Variants in CASP4 observed in about 807,000 individuals in gnomAD.
CASP4 encodes the protein caspase-4.
In CASP4, 29 loss-of-function variants were observed where a neutral mutation model predicts 41.3. That is an observed-to-expected ratio of 0.70 (90% CI 0.52 to 0.96). CASP4 has a LOEUF of 0.96. CASP4 is among the 40% of genes least tolerant of loss of function. The probability of loss-of-function intolerance (pLI) is 0.00; values close to 1 mark genes in which losing one functional copy is unlikely to be tolerated. For missense variants in CASP4, 447 were observed against 460.6 expected (o/e 0.97, Z 0.27); for synonymous variants, 185 against 158.4 (o/e 1.17, Z -1.26).
rs557986518 is a variant in CASP4 at position 104,959,941 on chromosome 11, A to G, written c.8-4940T>C. 2.6e-5 allele frequency among the ~76,000 whole-genome samples: 4 copies of G among 151,966 alleles called. No homozygotes were observed. The East Asian group carries it at 7.8e-4, about 29-fold the overall frequency. ...AAATTCATAAGAACTTTATCAATCT[A>G]CTCTCCGTCCCTCTATTCTACTCTT... On this transcript the variant is annotated intron_variant, in intron 1 of 8. Transcript: ENST00000444739.
intron 7 of CASP4, 121 bp from the exon 8 acceptor site, chr11:104,944,972 C>T (rs547832063): frequency 2.3e-5 from 16 of 693,008 alleles, no homozygotes; most frequent in Middle Eastern, 2.4e-4. Context: ...TAGAACCAAG[C>T]CCATGGGCAT....
At chr11:104,965,317 T>A (rs1278836397) in intron 1 of CASP4, among the ~76,000 whole-genome samples, 1 of 152,248 alleles carries the variant, frequency 6.6e-6, no homozygotes, top group African/African-American at 2.4e-5. Flanking sequence ...CAGTCCTGCA[T>A]GAGTATGCTC....
chr11:104,968,079 C>G (rs1294415659), intron 1 of CASP4, among the ~76,000 whole-genome samples: 4 of 151,852 alleles, frequency 2.6e-5, no homozygotes, highest in Non-Finnish European at 5.9e-5. Context: ...TCACTTTAAA[C>G]AGACCAAGAA....
At chr11:104,944,327 A>G (rs979692660) in intron 8 of CASP4, 4 of 161,380 alleles carry the variant, frequency 2.5e-5, no homozygotes, top group Non-Finnish European at 5.4e-5. Context: ...GTTTGATGCA[A>G]TGTTTGGCTA....
chr11:104,964,222 A>ACT (rs1403169189), intron 1 of CASP4, among the ~76,000 whole-genome samples: 14 of 152,104 alleles, frequency 9.2e-5, no homozygotes, highest in Non-Finnish European at 2.1e-4. Flanking sequence ...CAGGTATAGG[A>ACT]CTCTGAGTGC....
intron 1 of CASP4, among the ~76,000 whole-genome samples, chr11:104,960,248 G>A (rs1001586147): frequency 6.6e-6 from 1 of 151,954 alleles, no homozygotes; most frequent in African/African-American, 2.4e-5. Context: ...CTCTACTTAG[G>A]GATCTGTATA....
chr11:104,965,266 G>C (rs1477112941), intron 1 of CASP4, among the ~76,000 whole-genome samples: 1 of 152,224 alleles, frequency 6.6e-6, no homozygotes, highest in Non-Finnish European at 1.5e-5. Flanking sequence ...CTACAGAGGA[G>C]AGTACTAATG....
chr11:104,948,980 C>T (rs1185608052), intron 5 of CASP4: 2 of 211,202 alleles, frequency 9.5e-6, no homozygotes, highest in African/African-American at 4.6e-5. Flanking sequence ...TCTCAAATTC[C>T]TGGCCTCAAG....
In CASP4 at chr11:104,951,282, A is replaced by G. The variant is rs535218687; in HGVS notation, c.373-184T>C. 22 of 470,108 alleles carry G rather than the reference A, an allele frequency of 4.7e-5. No individual in the cohort carries two copies. The South Asian group carries it at 7.9e-4, about 17-fold the overall frequency. 29.1% of individuals were successfully genotyped at this position (470,108 alleles called of 1,614,324 possible). On this transcript the variant is annotated intron_variant, in intron 3 of 8. Coordinates refer to ENST00000444739, the MANE Select transcript of CASP4 (RefSeq NM_001225.4). ...AGAACCGGACATATCTGAAATTGTTATTAAGAATCTTGAGGAAACTAGATA... is the reference window on the plus strand; with the variant it reads ...AGAACCGGACATATCTGAAATTGTTGTTAAGAATCTTGAGGAAACTAGATA...
At chr11:104,943,344 A>G (rs1185849848) in intron 8 of CASP4, 4 of 217,946 alleles carry the variant, frequency 1.8e-5, no homozygotes, top group Non-Finnish European at 3.7e-5. Context: ...TTCTTTAAAC[A>G]TGTTTAGTGC....
intron 2 of CASP4, among the ~76,000 whole-genome samples, chr11:104,954,358 C>G (rs948102313): frequency 2.0e-5 from 3 of 152,062 alleles, no homozygotes; most frequent in African/African-American, 7.2e-5. Context: ...CTTAGACGAT[C>G]TTGTGAGAAA....
At chr11:104,956,403 G>C (rs1211281513) in intron 1 of CASP4, among the ~76,000 whole-genome samples, 3 of 151,928 alleles carry the variant, frequency 2.0e-5, no homozygotes, top group Non-Finnish European at 2.9e-5. Flanking sequence ...ATCATGCCAA[G>C]TGCATTACTG....
chr11:104,964,338 G>T (rs1461230523), intron 1 of CASP4, among the ~76,000 whole-genome samples: 1 of 152,150 alleles, frequency 6.6e-6, no homozygotes, highest in Non-Finnish European at 1.5e-5. Context: ...CAATCCTTCA[G>T]TTTTCACAGT....
At chr11:104,943,888 C>T (rs1860385204) in intron 8 of CASP4, 1 of 152,144 alleles carries the variant, frequency 6.6e-6, no homozygotes, top group Admixed American at 6.5e-5. Flanking sequence ...CAACTTTATA[C>T]ATTTCACTAT....
At chr11:104,963,202 G>A (rs1032913749) in intron 1 of CASP4, among the ~76,000 whole-genome samples, 7 of 152,076 alleles carry the variant, frequency 4.6e-5, no homozygotes, top group Admixed American at 1.3e-4. Flanking sequence ...CTTGGATCTC[G>A]TTTTTCTGTA....
intron 1 of CASP4, among the ~76,000 whole-genome samples, chr11:104,962,229 G>T (rs1860876861): frequency 6.6e-6 from 1 of 152,036 alleles, no homozygotes; most frequent in Non-Finnish European, 1.5e-5. Flanking sequence ...AGGCTGATCA[G>T]AAGCCGTTCC....
chr11:104,964,743 A>T (rs1860935630), intron 1 of CASP4, among the ~76,000 whole-genome samples: 1 of 152,204 alleles, frequency 6.6e-6, no homozygotes, highest in Non-Finnish European at 1.5e-5. Context: ...TAACAGGTTC[A>T]TGAGCTCCAA....
chr11:104,951,657 T>C (rs940333935), intron 3 of CASP4: 1 of 543,356 alleles, frequency 1.8e-6, no homozygotes, highest in Non-Finnish European at 3.3e-6. Context: ...CAAGAATAAA[T>C]ACAGGAGCAA....
chr11:104,965,843 G>A (rs1330544127), intron 1 of CASP4, among the ~76,000 whole-genome samples: 4 of 152,058 alleles, frequency 2.6e-5, no homozygotes, highest in Admixed American at 2.0e-4. Context: ...TCTAATATCA[G>A]CACTTAAGAT....
Sources: gnomAD v4.1 joint callset for allele counts (sites outside exome capture counted in the v4.1 genomes callset) on GRCh38, gnomAD v4.1.1 for gene constraint, MANE v1.5 for transcripts, NCBI Gene and HGNC (gene_info 2026-07-23, HGNC 2026-07-21) for gene names.